The following KIAA1549L variants were observed in gnomAD, a reference collection of about 807,000 sequenced individuals.
KIAA1549L encodes KIAA1549 like.
A neutral mutation model predicts 160.7 loss-of-function variants in KIAA1549L; 88 were observed. The observed-to-expected ratio is 0.55, with a 90% CI of 0.46 to 0.65. The LOEUF (loss-of-function observed/expected upper bound fraction) is 0.65, where lower values mean the gene tolerates loss of function less well. Among genes scored for constraint, KIAA1549L ranks in the 30% least tolerant of loss-of-function variants. The pLI, the probability that KIAA1549L is intolerant of heterozygous loss-of-function variation, is 0.00. For synonymous variants in KIAA1549L, 950 were observed against 976.7 expected, an observed-to-expected ratio of 0.97 and a Z score of 0.51; for missense variants, 2,258 against 2,437.5, an observed-to-expected ratio of 0.93 and a Z score of 1.55.
At chr11:33,393,216 C>G (rs1245901295) in intron 1 of KIAA1549L, among the ~76,000 whole-genome samples, 1 of 152,174 alleles carries the variant, frequency 6.6e-6, no homozygotes, top group Non-Finnish European at 1.5e-5. Context: ...ATTCTTTCTG[C>G]CTGGGAAGCC....
intron 1 of KIAA1549L, among the ~76,000 whole-genome samples, chr11:33,377,778 C>T (rs956895239): frequency 1.3e-5 from 2 of 152,182 alleles, no homozygotes; most frequent in African/African-American, 4.8e-5. Flanking sequence ...ATGACTTCTT[C>T]TTTCTCAGAG....
chr11:33,417,773 G>T (rs1020548929), intron 1 of KIAA1549L, among the ~76,000 whole-genome samples: 1 of 151,634 alleles, frequency 6.6e-6, no homozygotes, highest in Non-Finnish European at 1.5e-5. Context: ...CTGTCCTTCT[G>T]TCGTTTTGTT....
At chr11:33,468,501 C>T (rs1193646519) in intron 1 of KIAA1549L, among the ~76,000 whole-genome samples, 2 of 152,204 alleles carry the variant, frequency 1.3e-5, no homozygotes, top group Non-Finnish European at 2.9e-5. Flanking sequence ...ATTTCTGAGC[C>T]AGGACACACC....
chr11:33,551,276 G>A lies in KIAA1549L; in HGVS notation c.3721+17G>A, dbSNP rs1743959209. On this transcript the variant is annotated intron_variant, in intron 5 of 20. Transcript: ENST00000658780. ...TAAAAACAGGCAAGTGACTCGGAAGGAAGGGATTTTCATCCATTCTTGGGT... is the reference window on the plus strand; with the variant it reads ...TAAAAACAGGCAAGTGACTCGGAAGAAAGGGATTTTCATCCATTCTTGGGT... 1 of 1,604,008 alleles carries A rather than the reference G, an allele frequency of 6.2e-7. No homozygotes were observed. The highest frequency in any genetic ancestry group is 1.3e-5 in the African/African-American group (1 of 74,732).
chr11:33,558,081 GC>G (rs1299184708), intron 6 of KIAA1549L, among the ~76,000 whole-genome samples: 2 of 152,112 alleles, frequency 1.3e-5, no homozygotes, highest in African/African-American at 2.4e-5. Context: ...CACATGTACT[GC>G]CTACATATAG....
chr11:33,619,075 G>T (rs975218378), intron 16 of KIAA1549L, among the ~76,000 whole-genome samples: 13 of 152,114 alleles, frequency 8.5e-5, no homozygotes, highest in African/African-American at 3.1e-4. Flanking sequence ...ATAACTCCTC[G>T]GTATGCCATG....
chr11:33,512,733 A>G (rs1387399861), intron 1 of KIAA1549L, among the ~76,000 whole-genome samples: 3 of 152,138 alleles, frequency 2.0e-5, no homozygotes, highest in Non-Finnish European at 4.4e-5. Flanking sequence ...TGCTCTAGGT[A>G]ATATTCGAAA....
rs1851366992 is a variant in KIAA1549L, at chr11:33,435,845, TG to T, written c.238+58957del. 6.4e-4 allele frequency among the ~76,000 whole-genome samples: 16 copies of T among 25,124 alleles called. 3 individuals are homozygous for T. The South Asian group carries it at 0.018, about 29-fold the overall frequency. 16.5% of individuals were successfully genotyped at this position (25,124 alleles called of 152,430 possible). ...ATATATATATATGTATATGTATATG[TG>T]TGTGTGTGTGTGTGTGTATAAAATA... On this transcript the variant is annotated intron_variant, in intron 1 of 20. Coordinates refer to ENST00000658780, the MANE Select transcript of KIAA1549L (RefSeq NM_012194.3).
At position 33,592,026 on chromosome 11, in the gene KIAA1549L, T is replaced by A. The variant is rs554395955; in HGVS notation, c.4751+605T>A. Among the ~76,000 whole-genome samples, 3 of 152,290 alleles carry A rather than the reference T, an allele frequency of 2.0e-5. No homozygotes were observed. The South Asian group carries it at 6.2e-4, about 32-fold the overall frequency. ...AACAGGGAAAACCTCGTGGAGAAGG[T>A]TATCCTTTAGCTGAGCCTTGAAAAG... On this transcript the variant is annotated intron_variant, in intron 12 of 20. Coordinates refer to ENST00000658780, the MANE Select transcript of KIAA1549L (RefSeq NM_012194.3).
At chr11:33,432,272 A>G (rs1273512820) in intron 1 of KIAA1549L, among the ~76,000 whole-genome samples, 1 of 152,188 alleles carries the variant, frequency 6.6e-6, no homozygotes, top group East Asian at 1.9e-4. Flanking sequence ...AGAGCAAACG[A>G]GGGCTGTGAG....
intron 1 of KIAA1549L, among the ~76,000 whole-genome samples, chr11:33,464,522 A>C (rs919886939): frequency 2.6e-5 from 3 of 113,570 alleles, no homozygotes; most frequent in East Asian, 2.6e-4. Flanking sequence ...GCGTGCGCGC[A>C]TGCCCCCCCC....
At chr11:33,539,367 A>G (rs978031935) in intron 1 of KIAA1549L, among the ~76,000 whole-genome samples, 6 of 152,234 alleles carry the variant, frequency 3.9e-5, no homozygotes, top group Non-Finnish European at 8.8e-5. Context: ...TGATGGGAAT[A>G]TGCCCACATA....
intron 17 of KIAA1549L, among the ~76,000 whole-genome samples, chr11:33,653,013 C>T (rs560993210): frequency 3.3e-4 from 51 of 152,270 alleles, no homozygotes; most frequent in African/African-American, 1.2e-3. Flanking sequence ...CAAAACAAAA[C>T]CAAAACAAGG....
chr11:33,507,799 G>T (rs959961423), intron 1 of KIAA1549L, among the ~76,000 whole-genome samples: 1 of 152,134 alleles, frequency 6.6e-6, no homozygotes, highest in Non-Finnish European at 1.5e-5. Context: ...AAGCAAAATT[G>T]TATTATATTG....
chr11:33,459,903 G>A (rs546619738), intron 1 of KIAA1549L, among the ~76,000 whole-genome samples: 130 of 138,814 alleles, frequency 9.4e-4, no homozygotes, highest in African/African-American at 3.6e-3. Flanking sequence ...AGAGCTTGCA[G>A]TGAGCCGAGA....
At chr11:33,481,360 G>C (rs1441773568) in intron 1 of KIAA1549L, among the ~76,000 whole-genome samples, 1 of 152,150 alleles carries the variant, frequency 6.6e-6, no homozygotes, top group Non-Finnish European at 1.5e-5. Context: ...TTTTAGGCTA[G>C]TGGTACATGT....
chr11:33,482,168 G>T (rs945117477), intron 1 of KIAA1549L, among the ~76,000 whole-genome samples: 3 of 152,108 alleles, frequency 2.0e-5, no homozygotes, highest in Non-Finnish European at 4.4e-5. Flanking sequence ...GTAAGCAAAG[G>T]TTATTGATTT....
chr11:33,452,345 C>T (rs1443270087), intron 1 of KIAA1549L, among the ~76,000 whole-genome samples: 3 of 152,218 alleles, frequency 2.0e-5, no homozygotes, highest in African/African-American at 7.2e-5. Context: ...TGGTGGCTCA[C>T]ACCTGTAATC....
intron 5 of KIAA1549L, 78 bp downstream of exon 5, chr11:33,551,337 C>G: frequency 8.3e-7 from 1 of 1,209,622 alleles, no homozygotes; most frequent in Non-Finnish European, 1.2e-6. Flanking sequence ...TGTTTAAAAG[C>G]TCCATTGCTA....
Sources: allele counts gnomAD v4.1 joint callset (sites outside exome capture counted in the v4.1 genomes callset), GRCh38; gene constraint gnomAD v4.1.1; transcripts MANE v1.5; gene names NCBI Gene and HGNC (gene_info 2026-07-23, HGNC 2026-07-21).